The following AFG2A variants were observed in gnomAD, a reference collection of about 807,000 sequenced individuals.
AFG2A encodes ATPase family gene 2 protein homolog A.
chr4:122,932,262 G>A, the AFG2A span, among the ~76,000 whole-genome samples: 3 of 150,784 alleles, frequency 2.0e-5, no homozygotes, highest in Admixed American at 2.0e-4. Flanking sequence ...GTGACAGAGC[G>A]AGACCTCATC....
At chr4:123,183,246 T>C in the AFG2A span, among the ~76,000 whole-genome samples, 1 of 152,180 alleles carries the variant, frequency 6.6e-6, no homozygotes, top group South Asian at 2.1e-4. Flanking sequence ...AAAGTAAAGG[T>C]AATACAGGTA....
At chr4:123,010,848 A>G in the AFG2A span, among the ~76,000 whole-genome samples, 2 of 152,254 alleles carry the variant, frequency 1.3e-5, no homozygotes, top group Non-Finnish European at 2.9e-5. Flanking sequence ...GTCTTGTGAC[A>G]TACTTTGAGC....
the AFG2A span, among the ~76,000 whole-genome samples, chr4:123,167,643 G>A: frequency 2.0e-5 from 3 of 152,138 alleles, no homozygotes; most frequent in South Asian, 4.1e-4. Context: ...CACTGTGCCC[G>A]GCCACAGCTG....
chr4:123,199,646 A>G, the AFG2A span, among the ~76,000 whole-genome samples: 9 of 151,564 alleles, frequency 5.9e-5, no homozygotes, highest in Middle Eastern at 3.4e-3. Flanking sequence ...TAATTTTTGT[A>G]TTTTTAGTAG....
At chr4:123,232,377 A>G in the AFG2A span, among the ~76,000 whole-genome samples, 4 of 152,042 alleles carry the variant, frequency 2.6e-5, no homozygotes, top group Admixed American at 6.6e-5. Flanking sequence ...TATAATGTGG[A>G]GTGTCAGAAG....
At chr4:123,160,817 G>C in the AFG2A span, among the ~76,000 whole-genome samples, 1 of 151,046 alleles carries the variant, frequency 6.6e-6, no homozygotes, top group East Asian at 1.9e-4. Flanking sequence ...CTATATATAG[G>C]TTTTTTTCTT....
At chr4:123,283,188 A>C in the AFG2A span, among the ~76,000 whole-genome samples, 1 of 152,178 alleles carries the variant, frequency 6.6e-6, no homozygotes, top group Non-Finnish European at 1.5e-5. Flanking sequence ...TTGTGCTGCG[A>C]ATGATGTTTA....
chr4:123,190,825 T>G, the AFG2A span, among the ~76,000 whole-genome samples: 2 of 152,192 alleles, frequency 1.3e-5, no homozygotes, highest in African/African-American at 4.8e-5. Flanking sequence ...AGTTTGTAGG[T>G]AAACACTGCC....
the AFG2A span, among the ~76,000 whole-genome samples, chr4:123,013,921 C>T: frequency 1.3e-5 from 2 of 152,038 alleles, no homozygotes; most frequent in Non-Finnish European, 2.9e-5. Flanking sequence ...ATTACTCATG[C>T]CTCAAATTAT....
the AFG2A span, among the ~76,000 whole-genome samples, chr4:123,201,212 T>C: frequency 6.6e-6 from 1 of 152,224 alleles, no homozygotes; most frequent in African/African-American, 2.4e-5. Flanking sequence ...ACCTTAGACT[T>C]ACAAATTTCC....
chr4:122,982,436 C>T, the AFG2A span, among the ~76,000 whole-genome samples: 1 of 152,078 alleles, frequency 6.6e-6, no homozygotes, highest in Non-Finnish European at 1.5e-5. Flanking sequence ...TCTATGTTCA[C>T]CAAGGATATT....
At chr4:123,263,292 G>A in the AFG2A span, among the ~76,000 whole-genome samples, 1 of 152,160 alleles carries the variant, frequency 6.6e-6, no homozygotes, top group Admixed American at 6.5e-5. Context: ...ACAGCAAAAA[G>A]CTTGTCAGAG....
the AFG2A span, among the ~76,000 whole-genome samples, chr4:123,037,516 T>G: frequency 6.6e-6 from 1 of 152,088 alleles, no homozygotes; most frequent in Non-Finnish European, 1.5e-5. Flanking sequence ...CTAACATACA[T>G]TCTTAAAAGT....
chr4:123,109,984 A>G, the AFG2A span, among the ~76,000 whole-genome samples: 1 of 151,870 alleles, frequency 6.6e-6, no homozygotes, highest in Non-Finnish European at 1.5e-5. Flanking sequence ...ATATCTTTTA[A>G]TTTGTTTTCT....
the AFG2A span, among the ~76,000 whole-genome samples, chr4:123,026,724 C>T: frequency 2.0e-5 from 3 of 152,076 alleles, no homozygotes; most frequent in African/African-American, 4.8e-5. Flanking sequence ...GTGGAGTATT[C>T]GTTACAACAT....
the AFG2A span, among the ~76,000 whole-genome samples, chr4:123,124,353 C>T: frequency 3.3e-5 from 5 of 152,084 alleles, no homozygotes; most frequent in African/African-American, 1.2e-4. Flanking sequence ...ATGGATAAAA[C>T]TGGAAACCAA....
At chr4:123,306,925 A>G in the AFG2A span, among the ~76,000 whole-genome samples, 1 of 152,184 alleles carries the variant, frequency 6.6e-6, no homozygotes, top group Non-Finnish European at 1.5e-5. Flanking sequence ...TCTGCAGCCT[A>G]TGGGGGAAGA....
chr4:123,156,816 G>A, the AFG2A span, among the ~76,000 whole-genome samples: 1 of 150,882 alleles, frequency 6.6e-6, no homozygotes, highest in Non-Finnish European at 1.5e-5. Flanking sequence ...ATCCCATGCT[G>A]ATAGTTTTTT....
the AFG2A span, among the ~76,000 whole-genome samples, chr4:123,182,989 T>G: frequency 6.6e-6 from 1 of 152,214 alleles, no homozygotes; most frequent in East Asian, 1.9e-4. Context: ...TTTCCAAATC[T>G]AGCTGTACAT....
Sources: allele counts gnomAD v4.1 joint callset (sites outside exome capture counted in the v4.1 genomes callset), GRCh38; gene constraint gnomAD v4.1.1; transcripts MANE v1.5; gene names NCBI Gene and HGNC (gene_info 2026-07-23, HGNC 2026-07-21).